Variants in IRAK1BP1 observed in about 807,000 individuals in gnomAD.
IRAK1BP1 encodes the protein interleukin-1 receptor-associated kinase 1-binding protein 1.
IRAK1BP1 carries 24 observed loss-of-function variants against 28.0 expected under a neutral mutation model. That is an observed-to-expected ratio of 0.86 (90% CI 0.62 to 1.20). The LOEUF is 1.20. Among genes scored for constraint, IRAK1BP1 ranks in the 50% most tolerant of loss-of-function variants. The probability of loss-of-function intolerance (pLI) is 0.00; values close to 1 mark genes in which losing one functional copy is unlikely to be tolerated. For synonymous variants in IRAK1BP1, 131 were observed against 116.3 expected, an observed-to-expected ratio of 1.13 and a Z score of -0.81; for missense variants, 336 against 316.7, an observed-to-expected ratio of 1.06 and a Z score of -0.46.
chr6:78,971,533 GC>G, the IRAK1BP1 span, among the ~76,000 whole-genome samples: 2 of 152,116 alleles, frequency 1.3e-5, no homozygotes, highest in Admixed American at 1.3e-4. Flanking sequence ...GGCCAAGATG[GC>G]CGAATAGGAA....
chr6:78,896,397 C>CA (rs1771883544), intron 2 of IRAK1BP1, among the ~76,000 whole-genome samples: 1 of 144,656 alleles, frequency 6.9e-6, no homozygotes, highest in South Asian at 2.2e-4. Flanking sequence ...ATAAAAGGAA[C>CA]AAAAATATTA....
At chr6:78,971,843 C>T in the IRAK1BP1 span, among the ~76,000 whole-genome samples, 965 of 152,290 alleles carry the variant, frequency 6.3e-3, 12 homozygotes, top group African/African-American at 0.022. Context: ...CGGCGCACCA[C>T]GAAATTATAT....
At chr6:78,937,403 A>T (rs192992957) in intron 4 of IRAK1BP1, 1 of 151,872 alleles carries the variant, frequency 6.6e-6, no homozygotes, top group East Asian at 1.9e-4. Flanking sequence ...CATTTCTTAA[A>T]ATGTCTGATT....
intron 4 of IRAK1BP1, among the ~76,000 whole-genome samples, chr6:78,928,776 A>C (rs1005574299): frequency 2.6e-5 from 4 of 152,132 alleles, no homozygotes; most frequent in Non-Finnish European, 5.9e-5. Flanking sequence ...TGAAATGATC[A>C]TATGGTTTTT....
At chr6:78,946,317 C>T in exon 5 of IRAK1BP1, 1 of 1,503,166 alleles carries the variant, frequency 6.7e-7, no homozygotes, top group South Asian at 1.3e-5. Flanking sequence ...ACGAATAAAA[C>T]AGTTTATAAT....
At chr6:78,889,030 T>C (rs956050108) in intron 2 of IRAK1BP1, among the ~76,000 whole-genome samples, 2 of 149,992 alleles carry the variant, frequency 1.3e-5, no homozygotes, top group African/African-American at 4.9e-5. Flanking sequence ...GGTGGGAGGA[T>C]TGCTTGAGCC....
chr6:78,875,187 G>A (rs192934422), intron 1 of IRAK1BP1, among the ~76,000 whole-genome samples: 110 of 152,118 alleles, frequency 7.2e-4, no homozygotes, highest in Middle Eastern at 3.4e-3. Context: ...GTGAAATACC[G>A]TCTCACACTA....
intron 2 of IRAK1BP1, among the ~76,000 whole-genome samples, chr6:78,897,234 C>T (rs1049291979): frequency 3.1e-5 from 4 of 128,624 alleles, no homozygotes; most frequent in Non-Finnish European, 6.3e-5. Context: ...GCCTGGGCAA[C>T]GTAGCAAGAT....
the IRAK1BP1 span, chr6:78,954,999 G>T: frequency 7.0e-7 from 1 of 1,423,476 alleles, no homozygotes; most frequent in Non-Finnish European, 9.4e-7. Context: ...TAATAAAAGA[G>T]CACTTACACA....
chr6:78,915,017 G>A (rs1240272599), intron 4 of IRAK1BP1, among the ~76,000 whole-genome samples: 1 of 151,934 alleles, frequency 6.6e-6, no homozygotes, highest in East Asian at 1.9e-4. Flanking sequence ...ACAGGGTTTT[G>A]CCATGTTGGT....
At chr6:78,905,666 ATC>A (rs757076948), downstream of IRAK1BP1, among the ~76,000 whole-genome samples, 14 of 152,116 alleles carry the variant, frequency 9.2e-5, no homozygotes, top group Non-Finnish European at 1.6e-4. Flanking sequence ...CAGTGGTGCG[ATC>A]TCGGCTCACT....
intron 1 of IRAK1BP1, among the ~76,000 whole-genome samples, chr6:78,873,034 T>G (rs1266663600): frequency 6.6e-6 from 1 of 151,910 alleles, no homozygotes; most frequent in Non-Finnish European, 1.5e-5. Flanking sequence ...GGCAGGCGGA[T>G]TACTTGAGAT....
chr6:78,945,044 A>C (rs1270949058), intron 4 of IRAK1BP1, among the ~76,000 whole-genome samples: 1 of 152,206 alleles, frequency 6.6e-6, no homozygotes. Flanking sequence ...CATTGGGTTA[A>C]CTATACCCTA....
downstream of IRAK1BP1, among the ~76,000 whole-genome samples, chr6:78,903,937 C>T (rs1772190757): frequency 6.6e-6 from 1 of 152,146 alleles, no homozygotes; most frequent in Admixed American, 6.5e-5. Flanking sequence ...TTATCTTCCC[C>T]TTCACAAGAC....
At chr6:78,966,110 T>G in the IRAK1BP1 span, 1 of 1,091,822 alleles carries the variant, frequency 9.2e-7, no homozygotes, top group South Asian at 1.2e-5. Flanking sequence ...CTGCTGTCAC[T>G]GCTTTTTCCT....
the IRAK1BP1 span, chr6:78,969,873 T>C: frequency 6.3e-7 from 1 of 1,597,246 alleles, no homozygotes; most frequent in Non-Finnish European, 8.6e-7. Context: ...ATCAAATTGT[T>C]GTCTCAAGAC....
At chr6:78,890,674 C>CAAA (rs1771620932) in intron 2 of IRAK1BP1, among the ~76,000 whole-genome samples, 5 of 152,080 alleles carry the variant, frequency 3.3e-5, no homozygotes. Context: ...ATCTGAACAG[C>CAAA]AATTGGACCT....
chr6:78,936,805 T>C (rs1282521575), intron 4 of IRAK1BP1: 2 of 151,880 alleles, frequency 1.3e-5, no homozygotes, highest in African/African-American at 2.4e-5. Flanking sequence ...TAATGACTTT[T>C]CATTTGGAGC....
At chr6:78,974,474 A>T in the IRAK1BP1 span, among the ~76,000 whole-genome samples, 3 of 151,842 alleles carry the variant, frequency 2.0e-5, no homozygotes, top group Non-Finnish European at 4.4e-5. Context: ...GAACTAGAAA[A>T]GCAAGAGCAA....
Sources: allele counts gnomAD v4.1 joint callset (sites outside exome capture counted in the v4.1 genomes callset), GRCh38; gene constraint gnomAD v4.1.1; transcripts MANE v1.5; gene names NCBI Gene and HGNC (gene_info 2026-07-23, HGNC 2026-07-21).